The following DPP10 variants were observed in gnomAD, a reference collection of about 807,000 sequenced individuals.
The protein encoded by DPP10 is dipeptidyl peptidase like 10.
In DPP10, 33 loss-of-function variants were observed where a neutral mutation model predicts 120.9. The ratio of observed to expected loss-of-function variants is 0.27; its 90% CI spans 0.21 to 0.37. DPP10 has a LOEUF of 0.37. Among genes scored for constraint, DPP10 ranks in the 10% least tolerant of loss-of-function variants. The probability of loss-of-function intolerance (pLI) is 1.00; values close to 1 mark genes in which losing one functional copy is unlikely to be tolerated. For missense variants in DPP10, 816 were observed against 942.8 expected (o/e 0.87, Z 1.76); for synonymous variants, 337 against 326.1 (o/e 1.03, Z -0.36).
chr2:115,366,175 C>A (rs1252539296), intron 3 of DPP10, among the ~76,000 whole-genome samples: 1 of 151,648 alleles, frequency 6.6e-6, no homozygotes, highest in Non-Finnish European at 1.5e-5. Flanking sequence ...CAAAGGATGC[C>A]TATAATGCTC....
intron 1 of DPP10, among the ~76,000 whole-genome samples, chr2:115,025,897 G>A (rs1202400875): frequency 6.6e-6 from 1 of 151,844 alleles, no homozygotes; most frequent in East Asian, 1.9e-4. Flanking sequence ...AGTTTTCTGA[G>A]CTCCTTGTGT....
At chr2:114,973,290 A>G (rs1699515028) in intron 1 of DPP10, among the ~76,000 whole-genome samples, 1 of 151,922 alleles carries the variant, frequency 6.6e-6, no homozygotes, top group South Asian at 2.1e-4. Flanking sequence ...ATCCTTGATA[A>G]TAATGTTACT....
At chr2:115,516,590 T>TC (rs397936761) in intron 4 of DPP10, among the ~76,000 whole-genome samples, 16 of 146,978 alleles carry the variant, frequency 1.1e-4, no homozygotes, top group Non-Finnish European at 2.1e-4. Context: ...TTTTTTTTTT[T>TC]CCAAGTGAAT....
intron 5 of DPP10, among the ~76,000 whole-genome samples, chr2:115,568,670 T>A (rs1384545064): frequency 2.0e-5 from 3 of 151,972 alleles, no homozygotes; most frequent in Non-Finnish European, 4.4e-5. Flanking sequence ...CACTCTCAAT[T>A]TTTTTTTCTT....
intron 1 of DPP10, among the ~76,000 whole-genome samples, chr2:114,999,407 T>G (rs1029533144): frequency 3.3e-5 from 5 of 152,164 alleles, no homozygotes; most frequent in African/African-American, 1.2e-4. Flanking sequence ...TAAAATGGGA[T>G]TTCTTTTGCC....
At chr2:115,815,786 C>T in intron 21 of DPP10, 57 bp downstream of exon 21, 1 of 1,454,854 alleles carries the variant, frequency 6.9e-7, no homozygotes, top group Non-Finnish European at 9.5e-7. Context: ...TATGTAATAT[C>T]CTATTACACA....
intron 1 of DPP10, among the ~76,000 whole-genome samples, chr2:115,204,019 G>A (rs1012490931): frequency 6.6e-6 from 1 of 152,082 alleles, no homozygotes; most frequent in African/African-American, 2.4e-5. Flanking sequence ...GGCGATGGGC[G>A]AGTTTAAGCA....
At chr2:115,678,246 C>A (rs777103963) in intron 5 of DPP10, among the ~76,000 whole-genome samples, 8 of 152,244 alleles carry the variant, frequency 5.3e-5, no homozygotes, top group Non-Finnish European at 1.0e-4. Context: ...GAGCCCTTCA[C>A]GGCATCCCCG....
intron 1 of DPP10, among the ~76,000 whole-genome samples, chr2:114,667,495 T>G (rs1356524762): frequency 1.3e-5 from 2 of 152,162 alleles, no homozygotes; most frequent in Non-Finnish European, 2.9e-5. Context: ...CTTCTTAATA[T>G]ACAGGGCTTA....
chr2:115,289,503 A>AAAAAAAAAAAAAAAAAAAAAAAAAT (rs70941042), intron 1 of DPP10, among the ~76,000 whole-genome samples: 1 of 96,268 alleles, frequency 1.0e-5, no homozygotes, highest in Admixed American at 1.2e-4. Context: ...AAAAAAAAAA[A>AAAAAAAAAAAAAAAAAAAAAAAAAT]AGGAAGAAAA....
At chr2:115,608,232 A>G (rs2083839881) in intron 5 of DPP10, among the ~76,000 whole-genome samples, 1 of 152,044 alleles carries the variant, frequency 6.6e-6, no homozygotes, top group East Asian at 1.9e-4. Context: ...TACTAAAAAT[A>G]CAAAAATATT....
At position 115,800,413 on chromosome 2, in the gene DPP10, T is replaced by G. The variant is rs566954172; in HGVS notation, c.1700+9057T>G. 2.0e-5 allele frequency among the ~76,000 whole-genome samples: 3 copies of G among 152,336 alleles called. No homozygotes were observed. The South Asian group carries it at 6.2e-4, about 32-fold the overall frequency. On this transcript the variant is annotated intron_variant, in intron 19 of 25. Coordinates refer to ENST00000410059, the MANE Select transcript of DPP10 (RefSeq NM_020868.6). ...CTGTTCACTCTGACAGTAGTTTCTTTTGCTGTGCAGAAACTCTTTAGTTTA... is the reference window on the plus strand; with the variant it reads ...CTGTTCACTCTGACAGTAGTTTCTTGTGCTGTGCAGAAACTCTTTAGTTTA...
In DPP10 at chr2:114,920,535, T is replaced by C. The variant is rs2106636375; in HGVS notation, c.61-388704T>C. Among the ~76,000 whole-genome samples, 5 of 152,334 alleles carry C rather than the reference T, an allele frequency of 3.3e-5. 2 individuals are homozygous for C. The highest frequency in any genetic ancestry group is 3.3e-4 in the Admixed American group (5 of 15,306). ...ACTAGTGGAGGAGTCACTGAACAAG[T>C]AGGAAGCATACTATCTTGTGAATAA... is the stretch of plus-strand genomic sequence containing the variant. On this transcript the variant is annotated intron_variant, in intron 1 of 25. Transcript: ENST00000410059.
intron 1 of DPP10, among the ~76,000 whole-genome samples, chr2:114,742,709 A>G (rs1678183768): frequency 6.6e-6 from 1 of 152,252 alleles, no homozygotes. Context: ...AAGAAACAAT[A>G]CTGGTGATCG....
intron 1 of DPP10, among the ~76,000 whole-genome samples, chr2:115,209,478 C>T (rs900666842): frequency 3.3e-5 from 5 of 150,034 alleles, no homozygotes. Flanking sequence ...AAACATGAGA[C>T]ATCTCAGCAT....
At chr2:115,381,354 A>G (rs1355730396) in intron 3 of DPP10, among the ~76,000 whole-genome samples, 1 of 152,030 alleles carries the variant, frequency 6.6e-6, no homozygotes, top group Non-Finnish European at 1.5e-5. Flanking sequence ...TCGGCTCCTG[A>G]GGCTTCTGCA....
intron 1 of DPP10, among the ~76,000 whole-genome samples, chr2:114,959,332 G>A (rs1344961416): frequency 6.6e-6 from 1 of 152,120 alleles, no homozygotes; most frequent in Non-Finnish European, 1.5e-5. Context: ...CTTACAGTAT[G>A]TGGCCTTTTG....
intron 5 of DPP10, among the ~76,000 whole-genome samples, chr2:115,553,698 T>C (rs1170022818): frequency 6.6e-6 from 1 of 151,992 alleles, no homozygotes; most frequent in Non-Finnish European, 1.5e-5. Flanking sequence ...CTATGATCTT[T>C]GTAGCAAAAT....
At chr2:114,772,592 C>T (rs148689028) in intron 1 of DPP10, among the ~76,000 whole-genome samples, 47 of 152,114 alleles carry the variant, frequency 3.1e-4, no homozygotes, top group East Asian at 1.7e-3. Context: ...GAACTTTCTC[C>T]GTAATTATTG....
Sources: gnomAD v4.1 joint callset for allele counts (sites outside exome capture counted in the v4.1 genomes callset) on GRCh38, gnomAD v4.1.1 for gene constraint, MANE v1.5 for transcripts, NCBI Gene and HGNC (gene_info 2026-07-23, HGNC 2026-07-21) for gene names.